Variants in ABCB6 observed in about 807,000 individuals in gnomAD.
The protein encoded by ABCB6 is ATP binding cassette subfamily B member 6 (LAN blood group).
Under a neutral mutation model 99.4 loss-of-function variants are expected in ABCB6, and 87 were observed. That is an observed-to-expected ratio of 0.88 (90% CI 0.74 to 1.05). The LOEUF (loss-of-function observed/expected upper bound fraction) is 1.05, where lower values mean the gene tolerates loss of function less well. ABCB6 is among the 50% of genes least tolerant of loss of function. The probability of loss-of-function intolerance (pLI) is 0.00; values close to 1 mark genes in which losing one functional copy is unlikely to be tolerated. For missense variants in ABCB6, 1,050 were observed against 1,097.9 expected (o/e 0.96, Z 0.62); for synonymous variants, 482 against 447.5 (o/e 1.08, Z -0.97).
chr2:219,218,047 A>AGCAGT, intron 1 of ABCB6, 78 bp downstream of exon 1: 1 of 1,502,634 alleles, frequency 6.7e-7, no homozygotes, highest in Non-Finnish European at 8.9e-7. Flanking sequence ...AAAGCCTGGA[A>AGCAGT]GCAGTGTGAC....
At chr2:219,214,554 C>A in intron 6 of ABCB6, 56 bp from the exon 7 acceptor site, 2 of 1,313,078 alleles carry the variant, frequency 1.5e-6, no homozygotes, top group East Asian at 2.3e-5. Flanking sequence ...AAGCAGAGAC[C>A]AAATGTCAAT....
chr2:219,216,818 GGCTGC>G lies in ABCB6; in HGVS notation c.697_701del (p.Ala233ProfsTer53). 1 of 1,612,508 alleles carries G rather than the reference GGCTGC, an allele frequency of 6.2e-7. No homozygotes were observed. The highest frequency in any genetic ancestry group is 8.5e-7 in the Non-Finnish European group (1 of 1,179,594). ...CAAAATCTCGCCAGGTAGACTGTTG[GGCTGC>G]TGACCGAACCTAGGATGGTGAAACA... is the stretch of plus-strand genomic sequence containing the variant. On this transcript the variant is annotated frameshift_variant, in exon 3 of 19. Coordinates refer to ENST00000265316, the MANE Select transcript of ABCB6 (RefSeq NM_005689.4). LOFTEE classifies it high-confidence loss of function. The surrounding 1 kb of genome is among the most constrained non-coding windows in gnomAD (Gnocchi z 4.2).
At position 219,210,322 on chromosome 2, in the gene ABCB6, C is replaced by T. The variant is rs751753123; in HGVS notation, c.2352-24G>A. ...GCCTGAGAAGTCAAAGATCAGTCGC[C>T]TACTACCCCACCCAAAGCGGGCCAC... On this transcript the variant is annotated intron_variant, in intron 17 of 18. Transcript: ENST00000265316. The T allele has an allele frequency of 2.5e-6, 4 of 1,614,244 alleles. No individual in the cohort carries two copies. In the East Asian group the frequency reaches 8.9e-5, roughly 36 times the overall value.
rs951068944 is a variant in ABCB6 at position 219,218,528 on chromosome 2, G to A, written c.146C>T (p.Pro49Leu). 1 of 1,610,984 alleles carries A rather than the reference G, an allele frequency of 6.2e-7. No individual in the cohort carries two copies. Among genetic ancestry groups the A allele is most frequent in the Non-Finnish European group, 8.5e-7 (1 of 1,179,178 alleles). Residue 49 changes from proline to leucine, a missense_variant, in exon 1 of 19, where the codon CCC (proline) becomes CTC (leucine). Coordinates refer to ENST00000265316, the MANE Select transcript of ABCB6 (RefSeq NM_005689.4). ...LGTLALVLAL[P>L]CRRRERPAGA... ...AGCGGGCCGCTCCCGGCGTCTGCAG[G>A]GAAGAGCCAGCACCAAGGCCAGAGT...
In ABCB6 at chr2:219,216,609, T is replaced by A. The variant is rs770421770; in HGVS notation, c.868+43A>T. 17 of 1,542,528 alleles carry A rather than the reference T, an allele frequency of 1.1e-5. No individual in the cohort carries two copies. Among genetic ancestry groups the A allele is most frequent in the Non-Finnish European group, 1.4e-5 (16 of 1,140,094 alleles). ...GTAAGGACCATCCCAGCCACCAGGCTGATGAAGGACCAGCACACTGAGCTG... is the reference window on the plus strand; with the variant it reads ...GTAAGGACCATCCCAGCCACCAGGCAGATGAAGGACCAGCACACTGAGCTG... On this transcript the variant is annotated intron_variant, in intron 3 of 18. Transcript: ENST00000265316. This position sits in a 1 kb window ranked among gnomAD's most constrained non-coding sequence, Gnocchi z 4.2.
intron 14 of ABCB6, 33 bp downstream of exon 14, chr2:219,212,354 C>A (rs1950588997): frequency 6.3e-7 from 1 of 1,588,906 alleles, no homozygotes. Context: ...CACGTAGACC[C>A]CTAAACCACC....
In ABCB6 at chr2:219,216,978, T is replaced by C. The variant is rs985669877; in HGVS notation, c.688-146A>G. Reference sequence around the variant, plus strand: ...CCTTGATGGGGTCAGAAAAACTAAGTTGCAAACTGAGATTTGGAAAAGAAG... The same window carrying C: ...CCTTGATGGGGTCAGAAAAACTAAGCTGCAAACTGAGATTTGGAAAAGAAG... On this transcript the variant is annotated intron_variant, in intron 2 of 18. Coordinates refer to ENST00000265316, the MANE Select transcript of ABCB6 (RefSeq NM_005689.4). This position sits in a 1 kb window ranked among gnomAD's most constrained non-coding sequence, Gnocchi z 4.2. The C allele has an allele frequency of 1.7e-5, 11 of 662,870 alleles. No individual in the cohort carries two copies. The highest frequency in any genetic ancestry group is 2.7e-5 in the Non-Finnish European group (11 of 404,428). The allele number at this position is 662,870 out of a possible 1,614,324, so 41.1% of individuals were successfully genotyped here.
chr2:219,218,687 C>A lies in ABCB6; in HGVS notation c.-14G>T, dbSNP rs1198875531. ...CACAGTCACCATGGCAATGCGTGGA[C>A]GCCGGCCGAGGCTGCGGGCACTGCG... On this transcript the variant is annotated 5_prime_UTR_variant, in exon 1 of 19. Coordinates refer to ENST00000265316, the MANE Select transcript of ABCB6 (RefSeq NM_005689.4). The A allele has an allele frequency of 6.5e-7, 1 of 1,530,736 alleles. No individual in the cohort carries two copies. The highest frequency in any genetic ancestry group is 8.8e-7 in the Non-Finnish European group (1 of 1,137,494). 94.8% of individuals were successfully genotyped at this position (1,530,736 alleles called of 1,614,324 possible). A position where few individuals can be genotyped will look rare whatever the true frequency, so the allele number is the denominator to read the frequency against.
intron 18 of ABCB6, 77 bp downstream of exon 18, chr2:219,210,153 G>C (rs1950557344): frequency 1.2e-6 from 2 of 1,601,338 alleles, no homozygotes; most frequent in South Asian, 2.2e-5. Context: ...CCCTCCAGAA[G>C]CCCCTGGGAC....
rs138496401 is a variant in ABCB6 at position 219,217,808 on chromosome 2, C to G, written c.550-1G>C. ...GCAGCACCCACAGGCTAAACTGAAC[C>G]TAGAATGAAATATAAGTGGAGAGAG... On this transcript the variant is annotated splice_acceptor_variant, in intron 1 of 18. Transcript: ENST00000265316. LOFTEE classifies it high-confidence loss of function. 1.9e-6 allele frequency: 3 copies of G among 1,609,664 alleles called. No individual in the cohort carries two copies. The African/African-American group carries it at 4.0e-5, about 22-fold the overall frequency.
Position 219,214,105 on chromosome 2 carries a change from A to C in ABCB6, c.1452+16T>G. The C allele has an allele frequency of 1.2e-6, 2 of 1,614,110 alleles. No homozygotes were observed. The highest frequency in any genetic ancestry group is 1.1e-5 in the South Asian group (1 of 91,080). On this transcript the variant is annotated intron_variant, in intron 8 of 18. Transcript: ENST00000265316. ...CAGGGCATTATTCTCCGGAGGCCTCAAACTAGCATCCTCACCTGATATTTG... is the reference window on the plus strand; with the variant it reads ...CAGGGCATTATTCTCCGGAGGCCTCCAACTAGCATCCTCACCTGATATTTG...
Position 219,214,920 on chromosome 2 carries a change from C to T in ABCB6, c.1276+41G>A, listed in dbSNP as rs753927969. 1.4e-5 allele frequency: 22 copies of T among 1,612,896 alleles called. No homozygotes were observed. In the South Asian group the frequency reaches 2.4e-4, roughly 18 times the overall value. On this transcript the variant is annotated intron_variant, in intron 6 of 18. Coordinates refer to ENST00000265316, the MANE Select transcript of ABCB6 (RefSeq NM_005689.4). ...GCACAGCTCATGGCCAAGGGAGTCC[C>T]TGGATAGTTCAGGGAGACGGTGTCT... is the stretch of plus-strand genomic sequence containing the variant.
At position 219,218,291 on chromosome 2, in the gene ABCB6, T is replaced by A; in HGVS notation, c.383A>T (p.Glu128Val). 1 of 1,613,110 alleles carries A rather than the reference T, an allele frequency of 6.2e-7. No individual in the cohort carries two copies. Among genetic ancestry groups the A allele is most frequent in the Non-Finnish European group, 8.5e-7 (1 of 1,180,036 alleles). ...CAGACGCTGCCGTGCCTGGCTCCGC[T>A]CCACGACAAGCAGCCACAGGCCACA... Reference protein sequence around the residue: ...GACGLWLLVVERSQARQRLAM... With the variant: ...GACGLWLLVVVRSQARQRLAM... The change falls in exon 1 of 19, where the codon GAG (glutamate) becomes GTG (valine). Residue 128 changes from glutamate to valine, a missense_variant. By Grantham distance (121) the Glu-to-Val change is moderately radical. Transcript: ENST00000265316.
Position 219,217,756 on chromosome 2 carries a change from C to A in ABCB6, c.601G>T (p.Val201Phe). Residue 201 changes from valine (V) to phenylalanine (F), a missense_variant, in exon 2 of 19, where the codon GTC (valine) becomes TTC (phenylalanine). Val to Phe is a conservative substitution (Grantham distance 50). Coordinates refer to ENST00000265316, the MANE Select transcript of ABCB6 (RefSeq NM_005689.4). ...AGTCCAGGGGCCCAGAGACCCAGGA[C>A]AAACAGCCCTCCAGAGACCACATAC... is the stretch of plus-strand genomic sequence containing the variant. Reference protein sequence around the residue: ...LRYVVSGGLFVLGLWAPGLRP... With the variant: ...LRYVVSGGLFFLGLWAPGLRP... 5 of 1,614,076 alleles carry A rather than the reference C, an allele frequency of 3.1e-6. No individual in the cohort carries two copies. The highest frequency in any genetic ancestry group is 4.2e-6 in the Non-Finnish European group (5 of 1,180,000).
intron 12 of ABCB6, 82 bp downstream of exon 12, chr2:219,213,159 A>G: frequency 6.2e-7 from 1 of 1,605,922 alleles, no homozygotes; most frequent in Non-Finnish European, 8.5e-7. Flanking sequence ...CTTTTCCAAA[A>G]GCAGGGATTC....
chr2:219,211,764 ATTT>A (rs56903380), intron 14 of ABCB6, among the ~76,000 whole-genome samples: 2 of 132,946 alleles, frequency 1.5e-5, no homozygotes, highest in Non-Finnish European at 3.1e-5. Context: ...TGGCCAGCTA[ATTT>A]TTTTTTTTTT....
chr2:219,209,896 C>T lies in ABCB6; in HGVS notation c.*42G>A, dbSNP rs748245425. On this transcript the variant is annotated 3_prime_UTR_variant, in exon 19 of 19. Coordinates refer to ENST00000265316, the MANE Select transcript of ABCB6 (RefSeq NM_005689.4). The stretch of plus-strand genomic sequence containing the variant: ...CAGGGAAAGGAGACACATCTTATTC[C>T]CTTCTGGGTTAGTCTTTGAGAGGGA... 1.5e-5 allele frequency: 22 copies of T among 1,431,208 alleles called. No homozygotes were observed. In the East Asian group the frequency reaches 5.0e-4, roughly 33 times the overall value. The allele number at this position is 1,431,208 out of a possible 1,614,324, so 88.7% of individuals were successfully genotyped here.
Position 219,213,164 on chromosome 2 carries a change from G to A in ABCB6, c.1805+77C>T. The A allele has an allele frequency of 7.5e-6, 12 of 1,605,134 alleles. 1 individual carries two copies. The South Asian group carries it at 1.3e-4, about 18-fold the overall frequency. ...TGCCCAGGCTCTTTTCCAAAAGCAG[G>A]GATTCAGAGCACTGAGAAGCAGGAA... On this transcript the variant is annotated intron_variant, in intron 12 of 18. Transcript: ENST00000265316.
intron 1 of ABCB6, 104 bp from the exon 2 acceptor site, chr2:219,217,911 T>A: frequency 7.0e-7 from 1 of 1,422,358 alleles, no homozygotes; most frequent in Non-Finnish European, 9.3e-7. Context: ...CATTCAGCAC[T>A]TACAGGCTTA....
Sources: allele counts gnomAD v4.1 joint callset (sites outside exome capture counted in the v4.1 genomes callset), GRCh38; gene constraint gnomAD v4.1.1; non-coding constraint Gnocchi (gnomAD v3.1); transcripts MANE v1.5; gene names NCBI Gene and HGNC (gene_info 2026-07-23, HGNC 2026-07-21).